Variants in RAB4B observed in about 807,000 individuals in gnomAD.
The protein encoded by RAB4B is RAB4B, member RAS oncogene family, also known as ras-related protein Rab-4B.
Under a neutral mutation model 28.3 loss-of-function variants are expected in RAB4B, and 15 were observed. The ratio of observed to expected loss-of-function variants is 0.53; its 90% CI spans 0.35 to 0.82. RAB4B has a LOEUF of 0.82. RAB4B is among the 40% of genes least tolerant of loss of function. The pLI, the probability that RAB4B is intolerant of heterozygous loss-of-function variation, is 0.01. For synonymous variants in RAB4B, 108 were observed against 116.3 expected, an observed-to-expected ratio of 0.93 and a Z score of 0.46; for missense variants, 244 against 288.5, an observed-to-expected ratio of 0.85 and a Z score of 1.12.
chr19:40,779,015 C>G (rs1476347329), intron 1 of RAB4B: 1 of 985,418 alleles, frequency 1.0e-6, no homozygotes, highest in East Asian at 1.1e-4. Flanking sequence ...ATTCACTCAA[C>G]AAATATAGAA....
In RAB4B at chr19:40,783,928, A is replaced by C; in HGVS notation, c.283A>C (p.Thr95Pro). The C allele has an allele frequency of 6.2e-7, 1 of 1,610,246 alleles. No individual in the cohort carries two copies. The highest frequency in any genetic ancestry group is 8.5e-7 in the Non-Finnish European group (1 of 1,177,318). ...LLVYDITSRETYNSLAAWLTD... is the reference protein window; with the variant it reads ...LLVYDITSREPYNSLAAWLTD... ...CTTCTCCCTTCTCCACAGCCGGGAG[A>C]CATACAACTCACTGGCTGCCTGGCT... Residue 95 changes from threonine (T) to proline (P), a missense_variant, in exon 5 of 8, where the codon ACA becomes CCA. By Grantham distance (38) the Thr-to-Pro change is conservative (BLOSUM62 -1). Transcript: ENST00000357052.
At chr19:40,789,188 G>A (rs939374468) in intron 7 of RAB4B, among the ~76,000 whole-genome samples, 1 of 151,072 alleles carries the variant, frequency 6.6e-6, no homozygotes, top group African/African-American at 2.4e-5. Context: ...GAGCCACTGC[G>A]CCCGGCCAAG....
At chr19:40,786,450 G>A in intron 5 of RAB4B, 1 of 620,196 alleles carries the variant, frequency 1.6e-6, no homozygotes, top group Non-Finnish European at 2.7e-6. Context: ...GGACTTCTTG[G>A]AGGAGGAGCT....
chr19:40,789,920 GCAACGCTT>G (rs1204745578), intron 7 of RAB4B, among the ~76,000 whole-genome samples: 16 of 152,354 alleles, frequency 1.1e-4, no homozygotes, highest in Non-Finnish European at 1.9e-4. Context: ...GGAGAGCACA[GCAACGCTT>G]CTAGCGAGGG....
At chr19:40,778,970 G>T in intron 1 of RAB4B, 1 of 985,914 alleles carries the variant, frequency 1.0e-6, no homozygotes, top group Non-Finnish European at 1.2e-6. Context: ...ATTGGAGGCA[G>T]GGGAAGTGCA....
intron 5 of RAB4B, chr19:40,786,366 G>T: frequency 2.6e-6 from 1 of 390,276 alleles, no homozygotes; most frequent in South Asian, 2.1e-5. Context: ...AGTGGGGTCA[G>T]GGCCAGGATA....
chr19:40,782,125 A>G (rs2083055147), intron 3 of RAB4B, among the ~76,000 whole-genome samples: 1 of 151,994 alleles, frequency 6.6e-6, no homozygotes, highest in Admixed American at 6.6e-5. Flanking sequence ...GGCAGCATCT[A>G]GTAGCTGCTG....
At chr19:40,778,450 T>C (rs374118013) in intron 1 of RAB4B, 59 bp downstream of exon 1, 279 of 1,389,040 alleles carry the variant, frequency 2.0e-4, no homozygotes, top group African/African-American at 2.6e-4. Context: ...ATGCGGCCTG[T>C]GGGAATGGGC....
chr19:40,789,629 G>T (rs2083138592), intron 7 of RAB4B, among the ~76,000 whole-genome samples: 1 of 150,704 alleles, frequency 6.6e-6, no homozygotes, highest in Non-Finnish European at 1.5e-5. Context: ...TCAGTCTCCC[G>T]AGTAGCTGGG....
At chr19:40,787,961 CAAAAAA>C (rs56997006) in intron 7 of RAB4B, among the ~76,000 whole-genome samples, 27 of 69,460 alleles carry the variant, frequency 3.9e-4, no homozygotes, top group Non-Finnish European at 5.6e-4. Context: ...GACTCTGTCT[CAAAAAA>C]AAAAAAAAAA....
intron 7 of RAB4B, among the ~76,000 whole-genome samples, chr19:40,792,942 G>A (rs921001870): frequency 3.3e-5 from 5 of 151,892 alleles, no homozygotes; most frequent in South Asian, 2.1e-4. Flanking sequence ...CACCACACCC[G>A]GCTAATTTTC....
chr19:40,792,808 T>A (rs1450653145), intron 7 of RAB4B, among the ~76,000 whole-genome samples: 1 of 152,044 alleles, frequency 6.6e-6, no homozygotes, highest in African/African-American at 2.4e-5. Flanking sequence ...GGAGACAGAG[T>A]CTCGCTCTGT....
chr19:40,794,934 G>A (rs1341190682), intron 7 of RAB4B: 2 of 148,008 alleles, frequency 1.4e-5, no homozygotes, highest in Non-Finnish European at 3.0e-5. Flanking sequence ...CACAAGGTCA[G>A]GAGATGAAGA....
At chr19:40,789,792 C>T (rs2083140087) in intron 7 of RAB4B, among the ~76,000 whole-genome samples, 1 of 152,216 alleles carries the variant, frequency 6.6e-6, no homozygotes, top group Non-Finnish European at 1.5e-5. Flanking sequence ...AGCCACCGCA[C>T]CTGGCCAAGA....
chr19:40,779,780 C>T (rs889506029), intron 1 of RAB4B: 2 of 1,047,034 alleles, frequency 1.9e-6, no homozygotes, highest in Non-Finnish European at 1.3e-6. Flanking sequence ...AACCCCTGCA[C>T]ATGTACTCCC....
intron 5 of RAB4B, chr19:40,785,518 AAAAC>A (rs1196427333): frequency 6.6e-6 from 1 of 152,088 alleles, no homozygotes; most frequent in African/African-American, 2.4e-5. Flanking sequence ...CTCAAAGAAA[AAAAC>A]AAAAAAGGTT....
chr19:40,780,146 G>C (rs772728718), intron 2 of RAB4B, 47 bp downstream of exon 2: 1 of 1,606,646 alleles, frequency 6.2e-7, no homozygotes, highest in African/African-American at 1.3e-5. Context: ...GTGTTTATGC[G>C]CATGGTGTGG....
At chr19:40,784,915 A>C in intron 5 of RAB4B, among the ~76,000 whole-genome samples, 1 of 148,856 alleles carries the variant, frequency 6.7e-6, no homozygotes, top group Non-Finnish European at 1.5e-5. Context: ...ATCTCGGCTC[A>C]CTGCAACTTC....
At chr19:40,787,036 T>A in intron 7 of RAB4B, 58 bp downstream of exon 7, 1 of 1,384,800 alleles carries the variant, frequency 7.2e-7, no homozygotes. Flanking sequence ...GGGGAGATGG[T>A]GTGGAGATAG....
Sources: gnomAD v4.1 joint callset for allele counts (sites outside exome capture counted in the v4.1 genomes callset) on GRCh38, gnomAD v4.1.1 for gene constraint, MANE v1.5 for transcripts, NCBI Gene and HGNC (gene_info 2026-07-23, HGNC 2026-07-21) for gene names.